Variants in MMD2 observed in about 807,000 individuals in gnomAD.
The protein encoded by MMD2 is monocyte to macrophage differentiation associated 2.
In MMD2, 30 loss-of-function variants were observed where a neutral mutation model predicts 33.5. The ratio of observed to expected loss-of-function variants is 0.90; its 90% CI spans 0.67 to 1.22. The LOEUF is 1.22. Ranked by LOEUF, MMD2 falls within the 50% of genes most tolerant of loss-of-function variation. The pLI, the probability that MMD2 is intolerant of heterozygous loss-of-function variation, is 0.00. For missense variants in MMD2, 364 were observed against 325.4 expected (o/e 1.12, Z -0.91); for synonymous variants, 129 against 123.0 (o/e 1.05, Z -0.32).
At position 4,940,339 on chromosome 7, in the gene MMD2, G is replaced by A. The variant is rs1238441164; in HGVS notation, c.48-14807C>T. ...AGCTGGGGTCTATGGCCCCCAGAAA[G>A]AAGCCTGACCCCTTTCATGAATGAG... On this transcript the variant is annotated intron_variant, in intron 1 of 6. Coordinates refer to ENST00000401401, the MANE Select transcript of MMD2 (RefSeq NM_198403.4). The surrounding 1 kb of genome is among the most constrained non-coding windows in gnomAD (Gnocchi z 5.0). Among the ~76,000 whole-genome samples the A allele has an allele frequency of 1.3e-5, 2 of 152,164 alleles. No homozygotes were observed. The highest frequency in any genetic ancestry group is 1.3e-4 in the Admixed American group (2 of 15,270).
At chr7:4,945,088 T>C (rs1721961983) in intron 1 of MMD2, among the ~76,000 whole-genome samples, 1 of 149,938 alleles carries the variant, frequency 6.7e-6, no homozygotes, top group Admixed American at 6.7e-5. Flanking sequence ...CGACCCCTTC[T>C]TCTGGACACC....
intron 1 of MMD2, among the ~76,000 whole-genome samples, chr7:4,956,314 T>C (rs1352817353): frequency 6.6e-6 from 1 of 151,736 alleles, no homozygotes. Flanking sequence ...TAGTCCCAGC[T>C]ACTCAGGAGG....
intron 1 of MMD2, among the ~76,000 whole-genome samples, chr7:4,958,747 T>G (rs1252206629): frequency 6.6e-6 from 1 of 152,178 alleles, no homozygotes; most frequent in Admixed American, 6.5e-5. Flanking sequence ...GTGAAGCGAC[T>G]TGCCCAATGG....
chr7:4,916,629 C>G (rs190577978), intron 3 of MMD2, among the ~76,000 whole-genome samples: 3 of 151,996 alleles, frequency 2.0e-5, no homozygotes, highest in Non-Finnish European at 2.9e-5. Context: ...GTGATCCACC[C>G]GCCTCGGTCT....
chr7:4,924,845 G>A (rs1431231401), intron 2 of MMD2, among the ~76,000 whole-genome samples: 1 of 152,162 alleles, frequency 6.6e-6, no homozygotes, highest in Non-Finnish European at 1.5e-5. Context: ...GAGCATGGTG[G>A]TGGGAGGTGC....
At chr7:4,917,616 T>C (rs541230666) in intron 3 of MMD2, among the ~76,000 whole-genome samples, 5 of 151,572 alleles carry the variant, frequency 3.3e-5, no homozygotes, top group South Asian at 2.1e-4. Context: ...GGCATGAACC[T>C]GGGAGGCGGA....
At position 4,906,517 on chromosome 7, in the gene MMD2, C is replaced by G. The variant is rs1784870134; in HGVS notation, c.*879G>C. 1 of 398,626 alleles carries G rather than the reference C, an allele frequency of 2.5e-6. No homozygotes were observed. The highest frequency in any genetic ancestry group is 4.4e-5 in the Admixed American group (1 of 22,722). The allele number at this position is 398,626 out of a possible 1,614,324, so 24.7% of individuals were successfully genotyped here. A position where few individuals can be genotyped will look rare whatever the true frequency, so the allele number is the denominator to read the frequency against. On this transcript the variant is annotated 3_prime_UTR_variant, in exon 7 of 7. Transcript: ENST00000401401. ...TGCCCCATCTTATGAATGAATAGCT[C>G]TCGTAATGTCTCTGGATTTTTGGAG...
intron 4 of MMD2, among the ~76,000 whole-genome samples, chr7:4,913,898 T>C (rs1193509792): frequency 1.3e-5 from 2 of 152,010 alleles, no homozygotes; most frequent in Non-Finnish European, 2.9e-5. Context: ...CCTGACCTCA[T>C]GATCTGCCCA....
chr7:4,943,154 C>G (rs557703852), intron 1 of MMD2, among the ~76,000 whole-genome samples: 3 of 151,686 alleles, frequency 2.0e-5, no homozygotes, highest in Non-Finnish European at 4.4e-5. Context: ...AGATTACAGG[C>G]GCCTGCCACC....
chr7:4,919,880 A>G (rs1467705530), intron 3 of MMD2, among the ~76,000 whole-genome samples: 1 of 152,196 alleles, frequency 6.6e-6, no homozygotes, highest in Non-Finnish European at 1.5e-5. Flanking sequence ...TGGGCTACAG[A>G]GTGAGACTCC....
At chr7:4,941,856 T>A (rs1785921447) in intron 1 of MMD2, among the ~76,000 whole-genome samples, 1 of 151,364 alleles carries the variant, frequency 6.6e-6, no homozygotes, top group Non-Finnish European at 1.5e-5. Context: ...AATGTATCTT[T>A]AAAGAGTCCT....
At chr7:4,913,081 T>C (rs1459702683) in intron 4 of MMD2, among the ~76,000 whole-genome samples, 1 of 152,172 alleles carries the variant, frequency 6.6e-6, no homozygotes, top group Non-Finnish European at 1.5e-5. Flanking sequence ...TCTGTCATTA[T>C]AAAGAATTTA....
At chr7:4,920,594 TCCTTTCCTTTCCCTTTTCC>T (rs900186236) in intron 2 of MMD2, among the ~76,000 whole-genome samples, 11 of 149,966 alleles carry the variant, frequency 7.3e-5, no homozygotes, top group African/African-American at 2.7e-4. Flanking sequence ...CTTCTTTCCT[TCCTTTCCTTTCCCTTTTCC>T]CCTTTCCTTT....
rs1038085450 is a variant in MMD2 at position 4,934,608 on chromosome 7, A to G, written c.48-9076T>C. Among the ~76,000 whole-genome samples the G allele has an allele frequency of 3.3e-5, 5 of 152,114 alleles. No individual in the cohort carries two copies. The East Asian group carries it at 5.8e-4, about 18-fold the overall frequency. Reference sequence around the variant, plus strand: ...GAACAGACTCCTCATTTTGTAGCCAACCCTTACTGCTTACATGAGCACATG... The same window carrying G: ...GAACAGACTCCTCATTTTGTAGCCAGCCCTTACTGCTTACATGAGCACATG... On this transcript the variant is annotated intron_variant, in intron 1 of 6. Transcript: ENST00000401401.
At chr7:4,924,084 C>T (rs1314884255) in intron 2 of MMD2, among the ~76,000 whole-genome samples, 2 of 152,024 alleles carry the variant, frequency 1.3e-5, no homozygotes, top group Admixed American at 6.6e-5. Flanking sequence ...CCCAGCTACT[C>T]GGGAGGCTGA....
intron 1 of MMD2, among the ~76,000 whole-genome samples, chr7:4,936,049 G>A (rs996693007): frequency 6.6e-6 from 1 of 151,860 alleles, no homozygotes; most frequent in African/African-American, 2.4e-5. Context: ...GGCAGGCGTG[G>A]TGGTGGGCAC....
At chr7:4,929,148 G>T (rs1416320780) in intron 1 of MMD2, among the ~76,000 whole-genome samples, 1 of 152,128 alleles carries the variant, frequency 6.6e-6, no homozygotes, top group African/African-American at 2.4e-5. Flanking sequence ...TCCAGGTTCG[G>T]GTGACTGCTC....
At chr7:4,926,720 A>G (rs1785437229) in intron 1 of MMD2, among the ~76,000 whole-genome samples, 1 of 152,062 alleles carries the variant, frequency 6.6e-6, no homozygotes, top group Non-Finnish European at 1.5e-5. Flanking sequence ...ATTTTGGGGT[A>G]CAGCAACTGG....
At chr7:4,892,793 G>A in the MMD2 span, among the ~76,000 whole-genome samples, 1 of 151,174 alleles carries the variant, frequency 6.6e-6, no homozygotes, top group South Asian at 2.1e-4. Flanking sequence ...TTGGCTCACT[G>A]CAACCTCTGC....
Sources: allele counts gnomAD v4.1 joint callset (sites outside exome capture counted in the v4.1 genomes callset), GRCh38; gene constraint gnomAD v4.1.1; non-coding constraint Gnocchi (gnomAD v3.1); transcripts MANE v1.5; gene names NCBI Gene and HGNC (gene_info 2026-07-23, HGNC 2026-07-21).